Variants in NUP214 observed in about 807,000 individuals in gnomAD.
NUP214 encodes the protein nucleoporin 214.
NUP214 carries 79 observed loss-of-function variants against 196.2 expected under a neutral mutation model. The observed-to-expected ratio is 0.40, with a 90% CI of 0.34 to 0.49. The LOEUF (loss-of-function observed/expected upper bound fraction) is 0.49, where lower values mean the gene tolerates loss of function less well. Ranked by LOEUF, NUP214 falls within the 20% of genes least tolerant of loss-of-function variation. The probability of loss-of-function intolerance (pLI) is 0.58; values close to 1 mark genes in which losing one functional copy is unlikely to be tolerated. For missense variants in NUP214, 2,468 were observed against 2,539.0 expected, an observed-to-expected ratio of 0.97 and a Z score of 0.60; for synonymous variants, 1,020 against 990.5, an observed-to-expected ratio of 1.03 and a Z score of -0.56.
chr9:131,209,528 G>C (rs911146555), intron 30 of NUP214, among the ~76,000 whole-genome samples: 1 of 151,944 alleles, frequency 6.6e-6, no homozygotes, highest in Non-Finnish European at 1.5e-5. Flanking sequence ...GTAGTAGCTG[G>C]GACTACAGGT....
chr9:131,223,715 A>ATTTATTTATTTATTTTTT (rs1834631251), intron 32 of NUP214, among the ~76,000 whole-genome samples: 1 of 14,096 alleles, frequency 7.1e-5, no homozygotes, highest in Non-Finnish European at 2.0e-4. Flanking sequence ...TTTTATTTTT[A>ATTTATTTATTTATTTTTT]TTTATTTATT....
At chr9:131,148,737 A>G (rs1312379212) in intron 14 of NUP214, among the ~76,000 whole-genome samples, 1 of 151,732 alleles carries the variant, frequency 6.6e-6, no homozygotes, top group Non-Finnish European at 1.5e-5. Flanking sequence ...TTTCTGTTGG[A>G]TTGTCTGGCT....
At chr9:131,128,819 A>G in intron 3 of NUP214, 1 of 290,744 alleles carries the variant, frequency 3.4e-6, no homozygotes, top group Non-Finnish European at 6.5e-6. Flanking sequence ...GTGAGTGTTT[A>G]TACTGACTGT....
At chr9:131,175,099 T>A (rs1833077581) in intron 22 of NUP214, among the ~76,000 whole-genome samples, 1 of 152,172 alleles carries the variant, frequency 6.6e-6, no homozygotes, top group African/African-American at 2.4e-5. Flanking sequence ...GCCCCCACAC[T>A]TTCAGTACAG....
At chr9:131,208,153 A>G (rs1176152041) in intron 30 of NUP214, among the ~76,000 whole-genome samples, 2 of 152,242 alleles carry the variant, frequency 1.3e-5, no homozygotes, top group Non-Finnish European at 2.9e-5. Context: ...TGCAGCTACT[A>G]TAGTTTGGTG....
intron 24 of NUP214, among the ~76,000 whole-genome samples, chr9:131,179,854 T>G (rs1833221697): frequency 1.3e-5 from 2 of 152,232 alleles, no homozygotes; most frequent in Admixed American, 6.5e-5. Context: ...GTATTTGTGG[T>G]TGTTGCAAGC....
chr9:131,195,359 G>T (rs766888622), intron 28 of NUP214, 65 bp downstream of exon 28: 7 of 1,312,670 alleles, frequency 5.3e-6, no homozygotes, highest in South Asian at 1.2e-5. Context: ...GGTTATTTTT[G>T]CCCACATGTT....
chr9:131,147,917 T>C (rs1347394325), intron 14 of NUP214, among the ~76,000 whole-genome samples: 1 of 152,232 alleles, frequency 6.6e-6, no homozygotes, highest in Non-Finnish European at 1.5e-5. Context: ...CTGGGCACAG[T>C]GGGTCATGCC....
chr9:131,218,594 A>G (rs1449838000), intron 31 of NUP214, among the ~76,000 whole-genome samples: 2 of 135,974 alleles, frequency 1.5e-5, no homozygotes, highest in Non-Finnish European at 3.1e-5. Context: ...TCCCCGCCCC[A>G]TTTTGCTATG....
rs1351459787 is a variant in NUP214 at position 131,197,254 on chromosome 9, G to A, written c.3760G>A (p.Ala1254Thr). The change falls in exon 29 of 36, where the codon GCA (alanine) becomes ACA (threonine). Residue 1254 changes from alanine to threonine, a missense_variant. Around this residue, in one of 5 missense-constraint regions of NUP214, gnomAD observed 1,801 missense variants for 1,779.4 expected, o/e 1.01. Coordinates refer to ENST00000359428, the MANE Select transcript of NUP214 (RefSeq NM_005085.4). ...PSTKESSQPDAFSSGGGSKPS... is the reference protein window; with the variant it reads ...PSTKESSQPDTFSSGGGSKPS... Reference sequence around the variant, plus strand: ...CACTAAAGAGTCAAGCCAGCCGGACGCATTCTCATCTGGTGGGGGAAGCAA... The same window carrying A: ...CACTAAAGAGTCAAGCCAGCCGGACACATTCTCATCTGGTGGGGGAAGCAA... 6 of 1,614,002 alleles carry A rather than the reference G, an allele frequency of 3.7e-6. No homozygotes were observed. The highest frequency in any genetic ancestry group is 1.3e-5 in the African/African-American group (1 of 74,900).
intron 33 of NUP214, chr9:131,229,908 C>T (rs1834829665): frequency 2.6e-6 from 1 of 387,468 alleles, no homozygotes; most frequent in African/African-American, 2.1e-5. Context: ...GCTGCCCCTT[C>T]TCCCAGAAAC....
chr9:131,174,714 A>G (rs1156605577), intron 22 of NUP214, among the ~76,000 whole-genome samples: 2 of 152,012 alleles, frequency 1.3e-5, no homozygotes, highest in Non-Finnish European at 2.9e-5. Flanking sequence ...TTGGCCTCCC[A>G]GAGTGGTAGG....
Position 131,163,968 on chromosome 9 carries a change from T to C in NUP214, c.2809+13T>C. ...CCCAAAGTACCAGGTAATTGCATCC[T>C]TCCCAGTCTTTTAACTCCCTTTATT... On this transcript the variant is annotated intron_variant, in intron 20 of 35. Coordinates refer to ENST00000359428, the MANE Select transcript of NUP214 (RefSeq NM_005085.4). 6.2e-7 allele frequency: 1 copy of C among 1,613,512 alleles called. No homozygotes were observed.
In NUP214 at chr9:131,198,503, C is replaced by T. The variant is rs772264462; in HGVS notation, c.5009C>T (p.Ala1670Val). The change falls in exon 29 of 36, where the codon GCC becomes GTC. Residue 1670 changes from alanine to valine, a missense_variant. Ala to Val is a moderately conservative substitution (Grantham distance 64, BLOSUM62 0). Transcript: ENST00000359428. ...LTNNTATAPS[A>V]TPVFGQVAAS... ...AACAACACAGCCACTGCCCCCTCTGCCACGCCCGTGTTTGGGCAAGTGGCA... is the reference window on the plus strand; with the variant it reads ...AACAACACAGCCACTGCCCCCTCTGTCACGCCCGTGTTTGGGCAAGTGGCA... The T allele has an allele frequency of 4.3e-5, 70 of 1,614,136 alleles. No homozygotes were observed. The highest frequency in any genetic ancestry group is 5.5e-5 in the Non-Finnish European group (65 of 1,180,054).
chr9:131,227,993 A>C (rs987452746), intron 32 of NUP214, among the ~76,000 whole-genome samples, 167 bp from the exon 33 acceptor site: 1 of 22,862 alleles, frequency 4.4e-5, no homozygotes, highest in Non-Finnish European at 8.1e-5. Context: ...GGCGGGGGGG[A>C]GGGGGGGTGT....
intron 9 of NUP214, 26 bp from the exon 10 acceptor site, chr9:131,139,255 C>CTTTTTTTTTTTTTTTTTTTTTT (rs200377608): frequency 3.7e-6 from 4 of 1,093,098 alleles, no homozygotes; most frequent in Non-Finnish European, 3.5e-6. Flanking sequence ...TCTTCTTCTT[C>CTTTTTTTTTTTTTTTTTTTTTT]TTTTTTTTTT....
chr9:131,163,320 C>T, intron 19 of NUP214, 147 bp downstream of exon 19: 1 of 685,692 alleles, frequency 1.5e-6, no homozygotes, highest in South Asian at 2.4e-5. Flanking sequence ...CTCTCTGATC[C>T]TTTGTTTCTT....
rs756955391 is a variant in NUP214, at chr9:131,198,449, G to T, written c.4955G>T (p.Ser1652Ile). ...GTCTTTGCTCAGCCTCCTGCTGCCA[G>T]TTCTAGCTCAGCTTTCAACCAGCTC... ...SSVFAQPPAASSSSAFNQLTN... is the reference protein window; with the variant it reads ...SSVFAQPPAAISSSAFNQLTN... Residue 1652 changes from serine to isoleucine, a missense_variant, in exon 29 of 36, where the codon AGT (serine) becomes ATT (isoleucine). By Grantham distance (142) the Ser-to-Ile change is moderately radical. This residue lies in a region of NUP214 where 1,801 missense variants were observed against 1,779.4 expected (regional missense o/e 1.01). Transcript: ENST00000359428. 1.2e-6 allele frequency: 2 copies of T among 1,614,224 alleles called. No homozygotes were observed. The highest frequency in any genetic ancestry group is 1.7e-6 in the Non-Finnish European group (2 of 1,180,040).
rs142450352 is a variant in NUP214 at position 131,132,115 on chromosome 9, C to CTTTTTTTTTTTTTTTTTTTTTTTTT, written c.664-478_664-477insTTTTTTTTTTTTTTTTTTTTTTTTT. ...TGCGTTCATGCGTTTCTTTTCTTTTCTTTCTTTTTTTTTTTTTTTTGGAGA... is the reference window on the plus strand; with the variant it reads ...TGCGTTCATGCGTTTCTTTTCTTTTCTTTTTTTTTTTTTTTTTTTTTTTTTTTTCTTTTTTTTTTTTTTTTGGAGA... On this transcript the variant is annotated intron_variant, in intron 5 of 35. Coordinates refer to ENST00000359428, the MANE Select transcript of NUP214 (RefSeq NM_005085.4). 5.5e-5 allele frequency among the ~76,000 whole-genome samples: 6 copies of CTTTTTTTTTTTTTTTTTTTTTTTTT among 108,180 alleles called. 3 individuals are homozygous for CTTTTTTTTTTTTTTTTTTTTTTTTT. The highest frequency in any genetic ancestry group is 3.6e-5 in the Non-Finnish European group (2 of 54,830). 71.0% of individuals were successfully genotyped at this position (108,180 alleles called of 152,430 possible). A position where few individuals can be genotyped will look rare whatever the true frequency, so the allele number is the denominator to read the frequency against.
Sources: gnomAD v4.1 joint callset for allele counts (sites outside exome capture counted in the v4.1 genomes callset) on GRCh38, gnomAD v4.1.1 for gene constraint, gnomAD v4.1.1 regional missense constraint, MANE v1.5 for transcripts, NCBI Gene and HGNC (gene_info 2026-07-23, HGNC 2026-07-21) for gene names.